SLC25A10: variants seen among roughly 807,000 people sequenced by gnomAD.
SLC25A10 encodes solute carrier family 25 member 10.
In SLC25A10, 32 loss-of-function variants were observed where a neutral mutation model predicts 40.4. The observed-to-expected ratio is 0.79, with a 90% CI of 0.60 to 1.06. SLC25A10 has a LOEUF of 1.06. SLC25A10 is among the 50% of genes least tolerant of loss of function. SLC25A10 has a pLI of 0.00. For missense variants in SLC25A10, 394 were observed against 402.6 expected, an observed-to-expected ratio of 0.98 and a Z score of 0.18; for synonymous variants, 181 against 171.1, an observed-to-expected ratio of 1.06 and a Z score of -0.45.
At position 81,715,052 on chromosome 17, in the gene SLC25A10, A is replaced by AGC. The variant is rs1344261331; in HGVS notation, c.196_197dup (p.Ser67ProfsTer7). 1.2e-6 allele frequency: 2 copies of AGC among 1,609,888 alleles called. No homozygotes were observed. Among genetic ancestry groups the AGC allele is most frequent in the Admixed American group, 1.7e-5 (1 of 59,974 alleles). On this transcript the variant is annotated frameshift_variant, in exon 2 of 11. Coordinates refer to ENST00000350690, the MANE Select transcript of SLC25A10 (RefSeq NM_012140.5). LOFTEE classifies it high-confidence loss of function. The stretch of plus-strand genomic sequence containing the variant: ...CATCCTGGCACTCTACAGCGGCCTG[A>AGC]GCGCCTCGCTGTGCAGACAGGTGCG...
intron 9 of SLC25A10, among the ~76,000 whole-genome samples, chr17:81,718,767 T>A (rs1381308229): frequency 6.7e-6 from 1 of 150,094 alleles, no homozygotes; most frequent in Admixed American, 6.7e-5. Flanking sequence ...ACCAACATGG[T>A]GAAACCCCGT....
At position 81,717,028 on chromosome 17, in the gene SLC25A10, G is replaced by A; in HGVS notation, c.490G>A (p.Ala164Thr). 1 of 1,613,744 alleles carries A rather than the reference G, an allele frequency of 6.2e-7. No homozygotes were observed. Among genetic ancestry groups the A allele is most frequent in the Non-Finnish European group, 8.5e-7 (1 of 1,179,960 alleles). The part of the protein sequence containing the change: ...EEGLRRLFSG[A>T]TMASSRGALV... ...GGGTCTCAGGAGACTGTTCTCGGGT[G>A]CAACCATGGCATCCAGCCGAGGGGC... Residue 164 changes from alanine to threonine, a missense_variant, in exon 7 of 11, where the codon GCA becomes ACA. Coordinates refer to ENST00000350690, the MANE Select transcript of SLC25A10 (RefSeq NM_012140.5).
intron 9 of SLC25A10, among the ~76,000 whole-genome samples, chr17:81,719,092 C>T (rs1457021608): frequency 1.8e-4 from 27 of 151,540 alleles, no homozygotes; most frequent in African/African-American, 5.8e-4. Flanking sequence ...CCACCATGCC[C>T]GGCTAATTTT....
At position 81,715,551 on chromosome 17, in the gene SLC25A10, C is replaced by T. The variant is rs149093212; in HGVS notation, c.287C>T (p.Pro96Leu). Residue 96 changes from proline to leucine, a missense_variant, in exon 3 of 11, where the codon CCT becomes CTT. By Grantham distance (98) the Pro-to-Leu change is moderately conservative. Coordinates refer to ENST00000350690, the MANE Select transcript of SLC25A10 (RefSeq NM_012140.5). ...CGTGTGGCCAAGGGCAGCCAGGGGC[C>T]TCTCCCCTTCCACGAGAAGGTGTTG... is the stretch of plus-strand genomic sequence containing the variant. Reference protein sequence around the residue: ...RDRVAKGSQGPLPFHEKVLLG... With the variant: ...RDRVAKGSQGLLPFHEKVLLG... 22 of 1,612,790 alleles carry T rather than the reference C, an allele frequency of 1.4e-5. No homozygotes were observed. The highest frequency in any genetic ancestry group is 1.9e-5 in the Non-Finnish European group (22 of 1,179,868).
At chr17:81,713,862 T>TGG (rs1172280826) in intron 1 of SLC25A10, among the ~76,000 whole-genome samples, 1 of 152,198 alleles carries the variant, frequency 6.6e-6, no homozygotes, top group Non-Finnish European at 1.5e-5. Flanking sequence ...GACTGCCCTC[T>TGG]GGCCTGGGAG....
chr17:81,719,484 G>T (rs1192116718), intron 9 of SLC25A10, among the ~76,000 whole-genome samples: 1 of 152,206 alleles, frequency 6.6e-6, no homozygotes, highest in Non-Finnish European at 1.5e-5. Flanking sequence ...TTCCACGTTT[G>T]CAGAGCCCAT....
At position 81,712,323 on chromosome 17, in the gene SLC25A10, T is replaced by G. The variant is rs1008639243; in HGVS notation, c.-104T>G. On this transcript the variant is annotated 5_prime_UTR_variant, in exon 1 of 11. Transcript: ENST00000350690. Reference sequence around the variant, plus strand: ...GGGTGCGGGCGCGCGGGCGGCGCTTTGAACCGGGCGCGGGGCGCGGGGCGC... The same window carrying G: ...GGGTGCGGGCGCGCGGGCGGCGCTTGGAACCGGGCGCGGGGCGCGGGGCGC... 2 of 795,850 alleles carry G rather than the reference T, an allele frequency of 2.5e-6. No homozygotes were observed. The highest frequency in any genetic ancestry group is 3.7e-5 in the African/African-American group (2 of 53,796). The allele number at this position is 795,850 out of a possible 1,614,324, so 49.3% of individuals were successfully genotyped here. A position where few individuals can be genotyped will look rare whatever the true frequency, so the allele number is the denominator to read the frequency against.
chr17:81,715,895 C>A, intron 4 of SLC25A10, 114 bp from the exon 5 acceptor site: 1 of 1,408,608 alleles, frequency 7.1e-7, no homozygotes, highest in Non-Finnish European at 9.8e-7. Context: ...GTCCCTGAGC[C>A]CCGGCGTGCC....
chr17:81,716,191 T>C, intron 5 of SLC25A10, 141 bp downstream of exon 5: 5 of 873,640 alleles, frequency 5.7e-6, no homozygotes, highest in Non-Finnish European at 8.9e-6. Context: ...TCCTGACGGC[T>C]GTTCTGGACT....
intron 8 of SLC25A10, 119 bp from the exon 9 acceptor site, chr17:81,717,665 C>T (rs1018239318): frequency 1.5e-6 from 2 of 1,344,844 alleles, no homozygotes; most frequent in African/African-American, 1.4e-5. Context: ...GCCTGGTGCC[C>T]CCGCCAGCAT....
chr17:81,712,462 C>CG lies in SLC25A10; in HGVS notation c.42dup (p.Leu15AlafsTer140). On this transcript the variant is annotated frameshift_variant, in exon 1 of 11. Coordinates refer to ENST00000350690, the MANE Select transcript of SLC25A10 (RefSeq NM_012140.5). LOFTEE classifies it high-confidence loss of function. ...AGGCGCGCGTGTCGCGCTGGTACTT[C>CG]GGGGGGCTGGCCTCCTGCGGGGCCG... 3.1e-6 allele frequency: 4 copies of CG among 1,309,840 alleles called. No homozygotes were observed. The highest frequency in any genetic ancestry group is 2.2e-5 in the South Asian group (1 of 44,716). The allele number at this position is 1,309,840 out of a possible 1,614,324, so 81.1% of individuals were successfully genotyped here. A position where few individuals can be genotyped will look rare whatever the true frequency, so the allele number is the denominator to read the frequency against.
rs556587304 is a variant in SLC25A10 at position 81,720,829 on chromosome 17, C to A, written c.*752C>A. 5 of 228,300 alleles carry A rather than the reference C, an allele frequency of 2.2e-5. No homozygotes were observed. Among genetic ancestry groups the A allele is most frequent in the African/African-American group, 9.0e-5 (4 of 44,398 alleles). 14.1% of individuals were successfully genotyped at this position (228,300 alleles called of 1,614,324 possible). On this transcript the variant is annotated 3_prime_UTR_variant, in exon 11 of 11. Transcript: ENST00000350690. ...CGTCCCTCGGGCACCTGGGCCCCCC[C>A]GCTTGGCTCCCTGGGGGAATGGCCC...
Position 81,716,556 on chromosome 17 carries a change from G to A in SLC25A10, c.420-256G>A, listed in dbSNP as rs1021559122. The stretch of plus-strand genomic sequence containing the variant: ...GGACCCCGGGGGCTGGCGGGCAGGA[G>A]GCCTGCATGCTAGGAGCGGTGCCCA... On this transcript the variant is annotated intron_variant, in intron 5 of 10. Coordinates refer to ENST00000350690, the MANE Select transcript of SLC25A10 (RefSeq NM_012140.5). 54 of 582,766 alleles carry A rather than the reference G, an allele frequency of 9.3e-5. No individual in the cohort carries two copies. In the East Asian group the frequency reaches 1.5e-3, roughly 16 times the overall value. The allele number at this position is 582,766 out of a possible 1,614,324, so 36.1% of individuals were successfully genotyped here.
rs996329901 is a variant in SLC25A10, at chr17:81,715,067, A to C, written c.208A>C (p.Arg70=). ...CAGCGGCCTGAGCGCCTCGCTGTGC[A>C]GACAGGTGCGTGGTGTGTGCCAGCC... The part of the protein sequence containing the change: ...LYSGLSASLC[R]QMTYSLTRFA... The change falls in exon 2 of 11, where the codon AGA becomes CGA. Residue 70 remains arginine (R), a synonymous_variant. Coordinates refer to ENST00000350690, the MANE Select transcript of SLC25A10 (RefSeq NM_012140.5). 2 of 1,609,508 alleles carry C rather than the reference A, an allele frequency of 1.2e-6. No homozygotes were observed. Among genetic ancestry groups the C allele is most frequent in the African/African-American group, 2.7e-5 (2 of 74,906 alleles).
At position 81,716,202 on chromosome 17, in the gene SLC25A10, C is replaced by CG. The variant is rs2037483186; in HGVS notation, c.419+157dup. The stretch of plus-strand genomic sequence containing the variant: ...AGGGTCCTGACGGCTGTTCTGGACT[C>CG]GGGGGTGTCACTCTGCGCCCCCAGG... On this transcript the variant is annotated intron_variant, in intron 5 of 10. Transcript: ENST00000350690. 3 of 804,132 alleles carry CG rather than the reference C, an allele frequency of 3.7e-6. No individual in the cohort carries two copies. In the South Asian group the frequency reaches 4.8e-5, roughly 13 times the overall value. 49.8% of individuals were successfully genotyped at this position (804,132 alleles called of 1,614,324 possible).
At position 81,720,540 on chromosome 17, in the gene SLC25A10, G is replaced by C. The variant is rs899089899; in HGVS notation, c.*463G>C. The C allele has an allele frequency of 1.6e-6, 2 of 1,283,170 alleles. No individual in the cohort carries two copies. Among genetic ancestry groups the C allele is most frequent in the African/African-American group, 3.0e-5 (2 of 65,838 alleles). The allele number at this position is 1,283,170 out of a possible 1,614,324, so 79.5% of individuals were successfully genotyped here. A position where few individuals can be genotyped will look rare whatever the true frequency, so the allele number is the denominator to read the frequency against. On this transcript the variant is annotated 3_prime_UTR_variant, in exon 11 of 11. Transcript: ENST00000350690. ...TAGCTCTGCACTTCGTGTCTGCTGA[G>C]AGCAACCAGACCTTCCATGTCCTCG...
At chr17:81,717,890 G>GCCCAA in intron 9 of SLC25A10, 29 bp downstream of exon 9, 2 of 1,552,992 alleles carry the variant, frequency 1.3e-6, no homozygotes, top group Non-Finnish European at 1.8e-6. Flanking sequence ...GTGCAGTTGG[G>GCCCAA]CTGCACAGCC....
chr17:81,718,996 T>C (rs2037540169), intron 9 of SLC25A10, among the ~76,000 whole-genome samples: 1 of 151,172 alleles, frequency 6.6e-6, no homozygotes, highest in Non-Finnish European at 1.5e-5. Flanking sequence ...TTTCTTTTTT[T>C]TTTCCCCTCA....
chr17:81,720,458 A>T lies in SLC25A10; in HGVS notation c.*381A>T. 7.5e-7 allele frequency: 1 copy of T among 1,328,082 alleles called. No homozygotes were observed. Among genetic ancestry groups the T allele is most frequent in the Non-Finnish European group, 9.6e-7 (1 of 1,044,830 alleles). The allele number at this position is 1,328,082 out of a possible 1,614,324, so 82.3% of individuals were successfully genotyped here. A position where few individuals can be genotyped will look rare whatever the true frequency, so the allele number is the denominator to read the frequency against. On this transcript the variant is annotated 3_prime_UTR_variant, in exon 11 of 11. Coordinates refer to ENST00000350690, the MANE Select transcript of SLC25A10 (RefSeq NM_012140.5). ...AAAGCAGCATCTTCCAGCACTTTCCATCGAGGACTTGGGTGGCAGAGTGTG... is the reference window on the plus strand; with the variant it reads ...AAAGCAGCATCTTCCAGCACTTTCCTTCGAGGACTTGGGTGGCAGAGTGTG...
Sources: gnomAD v4.1 joint callset for allele counts (sites outside exome capture counted in the v4.1 genomes callset) on GRCh38, gnomAD v4.1.1 for gene constraint, MANE v1.5 for transcripts, NCBI Gene and HGNC (gene_info 2026-07-23, HGNC 2026-07-21) for gene names.